The following PACRG variants were observed in gnomAD, a reference collection of about 807,000 sequenced individuals.
The protein encoded by PACRG is parkin coregulated gene protein.
A neutral mutation model predicts 29.7 loss-of-function variants in PACRG; 29 were observed. The ratio of observed to expected loss-of-function variants is 0.98; its 90% CI spans 0.73 to 1.33. The LOEUF (loss-of-function observed/expected upper bound fraction) is 1.33. PACRG is among the 40% of genes most tolerant of loss of function. The probability of loss-of-function intolerance (pLI) is 0.00; values close to 1 mark genes in which losing one functional copy is unlikely to be tolerated. For synonymous variants in PACRG, 116 were observed against 118.7 expected (o/e 0.98, Z 0.15); for missense variants, 279 against 316.2 (o/e 0.88, Z 0.89).
chr6:163,079,789 G>A (rs1469289883), intron 3 of PACRG, among the ~76,000 whole-genome samples: 3 of 151,070 alleles, frequency 2.0e-5, no homozygotes, highest in African/African-American at 7.3e-5. Context: ...AAGAGCCTGT[G>A]CACATTGTAT....
intron 2 of PACRG, among the ~76,000 whole-genome samples, chr6:163,003,208 C>T (rs1036673472): frequency 7.2e-5 from 11 of 152,104 alleles, no homozygotes; most frequent in Non-Finnish European, 1.2e-4. Context: ...CCCAGATTGC[C>T]TGGATAAGTA....
chr6:163,213,515 G>A (rs554241716), intron 4 of PACRG, among the ~76,000 whole-genome samples: 1 of 152,298 alleles, frequency 6.6e-6, no homozygotes, highest in East Asian at 1.9e-4. Context: ...GATTATGTAG[G>A]AGAATGTCCT....
intron 2 of PACRG, among the ~76,000 whole-genome samples, chr6:162,962,707 A>G (rs1420787260): frequency 1.3e-5 from 2 of 152,194 alleles, no homozygotes; most frequent in African/African-American, 4.8e-5. Context: ...AGCCTCCAGA[A>G]CTGTAAGAAA....
intron 4 of PACRG, among the ~76,000 whole-genome samples, chr6:163,129,743 C>A (rs1816659349): frequency 6.6e-6 from 1 of 150,710 alleles, no homozygotes; most frequent in African/African-American, 2.5e-5. Flanking sequence ...AGGTATCCAA[C>A]CTCACACTCA....
At chr6:163,159,152 T>C (rs1778445398) in intron 4 of PACRG, among the ~76,000 whole-genome samples, 1 of 152,154 alleles carries the variant, frequency 6.6e-6, no homozygotes, top group Non-Finnish European at 1.5e-5. Context: ...ACTGTTGTTG[T>C]AAGCGTTACA....
chr6:163,220,736 G>A (rs73784543), intron 4 of PACRG, among the ~76,000 whole-genome samples: 5,886 of 152,144 alleles, frequency 0.039, 395 homozygotes, highest in African/African-American at 0.14. Flanking sequence ...ATGATTGCAC[G>A]TAAATGTTAC....
chr6:162,947,323 TA>T (rs1799109959), intron 2 of PACRG, among the ~76,000 whole-genome samples: 5 of 90,164 alleles, frequency 5.5e-5, no homozygotes, highest in African/African-American at 1.6e-4. Flanking sequence ...TCATATATAA[TA>T]CATATAATCA....
chr6:163,190,998 C>T (rs772202190), intron 4 of PACRG: 3 of 454,856 alleles, frequency 6.6e-6, no homozygotes, highest in Middle Eastern at 3.3e-4. Flanking sequence ...ATCAGAAATC[C>T]CTTATTTAGC....
chr6:163,115,420 G>A (rs1414304726), intron 4 of PACRG, among the ~76,000 whole-genome samples: 5 of 152,088 alleles, frequency 3.3e-5, no homozygotes, highest in Non-Finnish European at 5.9e-5. Flanking sequence ...GATGGTAAAT[G>A]TTTCTTACTT....
intron 4 of PACRG, among the ~76,000 whole-genome samples, chr6:163,147,497 A>G (rs1048877173): frequency 6.6e-6 from 1 of 152,142 alleles, no homozygotes; most frequent in Non-Finnish European, 1.5e-5. Context: ...GAAATACAGT[A>G]TCTCCTAACA....
At chr6:162,863,466 AT>A (rs1397617434) in intron 2 of PACRG, among the ~76,000 whole-genome samples, 1 of 152,184 alleles carries the variant, frequency 6.6e-6, no homozygotes, top group African/African-American at 2.4e-5. Context: ...AAATGCATCT[AT>A]TTTTTCTTCC....
At chr6:162,957,215 C>A in intron 2 of PACRG, 1 of 408,428 alleles carries the variant, frequency 2.4e-6, no homozygotes, top group Non-Finnish European at 4.8e-6. Flanking sequence ...CAGCTTATGC[C>A]TTCAACACTT....
At chr6:163,183,024 C>T (rs1344309957) in intron 4 of PACRG, 2 of 152,210 alleles carry the variant, frequency 1.3e-5, no homozygotes, top group African/African-American at 4.8e-5. Context: ...AGTCTTGAAA[C>T]TATGTGGGTG....
At chr6:163,001,314 G>A (rs911391003) in intron 2 of PACRG, among the ~76,000 whole-genome samples, 2 of 152,316 alleles carry the variant, frequency 1.3e-5, no homozygotes, top group East Asian at 3.9e-4. Context: ...TACTGGCCAC[G>A]GGGAGATCAG....
intron 4 of PACRG, among the ~76,000 whole-genome samples, chr6:163,156,561 A>T (rs11751138): frequency 0.34 from 51,748 of 151,796 alleles, 9,651 homozygotes; most frequent in East Asian, 0.56. Flanking sequence ...TGCCCCTCCC[A>T]CTTCAGTCCT....
chr6:162,988,233 G>T (rs144536861), intron 2 of PACRG, among the ~76,000 whole-genome samples: 1 of 152,160 alleles, frequency 6.6e-6, no homozygotes, highest in Non-Finnish European at 1.5e-5. Context: ...GAGTCCAGGA[G>T]CAATTACTTT....
intron 1 of PACRG, among the ~76,000 whole-genome samples, chr6:162,791,717 A>T (rs761618447): frequency 2.5e-4 from 38 of 152,152 alleles, no homozygotes; most frequent in Non-Finnish European, 5.1e-4. Flanking sequence ...GCATCCCATC[A>T]ATTTGAATTT....
intron 4 of PACRG, among the ~76,000 whole-genome samples, chr6:163,175,751 A>AGGAGGG (rs1779318954): frequency 7.0e-6 from 1 of 143,884 alleles, no homozygotes; most frequent in African/African-American, 2.7e-5. Flanking sequence ...TCAAAGGAGG[A>AGGAGGG]GGAGGAGGAG....
chr6:162,872,618 T>C (rs1277061210), intron 2 of PACRG, among the ~76,000 whole-genome samples: 2 of 152,106 alleles, frequency 1.3e-5, no homozygotes, highest in Non-Finnish European at 2.9e-5. Flanking sequence ...TAATAAAACT[T>C]GTACAGATTA....
Sources: gnomAD v4.1 joint callset for allele counts (sites outside exome capture counted in the v4.1 genomes callset) on GRCh38, gnomAD v4.1.1 for gene constraint, MANE v1.5 for transcripts, NCBI Gene and HGNC (gene_info 2026-07-23, HGNC 2026-07-21) for gene names.